The following FBN2 variants were observed in gnomAD, a reference collection of about 807,000 sequenced individuals.
FBN2 encodes fibrillin 2.
A neutral mutation model predicts 355.6 loss-of-function variants in FBN2; 105 were observed. The ratio of observed to expected loss-of-function variants is 0.30; its 90% CI spans 0.25 to 0.35. The LOEUF (loss-of-function observed/expected upper bound fraction) is 0.35. Among genes scored for constraint, FBN2 ranks in the 10% least tolerant of loss-of-function variants. The pLI is 1.00. For missense variants in FBN2, 3,280 were observed against 3,758.7 expected (o/e 0.87, Z 3.33); for synonymous variants, 1,350 against 1,301.2 (o/e 1.04, Z -0.81).
At chr5:128,447,325 C>A (rs1030985758) in intron 6 of FBN2, among the ~76,000 whole-genome samples, 3 of 152,128 alleles carry the variant, frequency 2.0e-5, no homozygotes, top group African/African-American at 7.2e-5. Flanking sequence ...TCGCTGAATT[C>A]GTTTTCTCAG....
At chr5:128,463,882 T>C (rs1343141737) in intron 6 of FBN2, among the ~76,000 whole-genome samples, 1 of 152,164 alleles carries the variant, frequency 6.6e-6, no homozygotes, top group Non-Finnish European at 1.5e-5. Context: ...TAATATTATT[T>C]ATGTGAATAA....
intron 51 of FBN2, among the ~76,000 whole-genome samples, chr5:128,289,579 C>A (rs921799358): frequency 6.6e-6 from 1 of 151,664 alleles, no homozygotes; most frequent in Non-Finnish European, 1.5e-5. Flanking sequence ...GAGTGAGACT[C>A]CACCTCAAAA....
chr5:128,285,026 T>C (rs2126815004), intron 55 of FBN2, among the ~76,000 whole-genome samples: 1 of 152,342 alleles, frequency 6.6e-6, no homozygotes, highest in Non-Finnish European at 1.5e-5. Context: ...ACTTATCAGA[T>C]TTCTTGATTC....
chr5:128,272,792 T>G (rs1300919788), intron 61 of FBN2, among the ~76,000 whole-genome samples: 1 of 152,134 alleles, frequency 6.6e-6, no homozygotes, highest in African/African-American at 2.4e-5. Flanking sequence ...TTGGCATGTC[T>G]GAGGGGTGTA....
At chr5:128,352,356 G>C (rs1243062412) in intron 20 of FBN2, among the ~76,000 whole-genome samples, 1 of 152,186 alleles carries the variant, frequency 6.6e-6, no homozygotes, top group Non-Finnish European at 1.5e-5. Flanking sequence ...TAACGTTTTA[G>C]ACTGACTCCA....
Position 128,261,749 on chromosome 5 carries a change from G to A in FBN2, c.8351C>T (p.Pro2784Leu), listed in dbSNP as rs144574441. 2.6e-3 allele frequency: 4,141 copies of A among 1,614,160 alleles called. 111 individuals are homozygous for A. In the South Asian group the frequency reaches 0.042, roughly 16 times the overall value. Reference sequence around the variant, plus strand: ...GGATATACTCACAGCAGTGGGATCAGGTTCATGAATACTTCTCTTCTGCCT... The same window carrying A: ...GGATATACTCACAGCAGTGGGATCAAGTTCATGAATACTTCTCTTCTGCCT... ...DSRQKRSIHE[P>L]DPTAVEQISL... Residue 2784 changes from proline (P) to leucine (L), a missense_variant, in exon 64 of 65, where the codon CCT becomes CTT. Pro to Leu is a moderately conservative substitution (Grantham distance 98, BLOSUM62 -3). Coordinates refer to ENST00000262464, the MANE Select transcript of FBN2 (RefSeq NM_001999.4).
intron 42 of FBN2, 104 bp downstream of exon 42, chr5:128,307,031 G>C: frequency 1.3e-6 from 1 of 790,822 alleles, no homozygotes; most frequent in Admixed American, 1.8e-5. Context: ...TTGGATCCCA[G>C]ATTATTATAT....
intron 5 of FBN2, among the ~76,000 whole-genome samples, chr5:128,512,245 C>G (rs964239872): frequency 1.3e-5 from 2 of 152,176 alleles, no homozygotes; most frequent in Admixed American, 1.3e-4. Flanking sequence ...GGCGCAGTGG[C>G]TTAAGCCTGT....
Position 128,329,854 on chromosome 5 carries a change from T to C in FBN2, c.4345+719A>G, listed in dbSNP as rs181807511. Among the ~76,000 whole-genome samples the C allele has an allele frequency of 1.8e-3, 267 of 152,336 alleles. 1 individual carries two copies. The highest frequency in any genetic ancestry group is 5.9e-3 in the African/African-American group (247 of 41,572). The stretch of plus-strand genomic sequence containing the variant: ...CCCTTATTTTATAAACTGAAGAGTA[T>C]TCAACTTTACGTCCAGCAAGATTAT... On this transcript the variant is annotated intron_variant, in intron 33 of 64. Coordinates refer to ENST00000262464, the MANE Select transcript of FBN2 (RefSeq NM_001999.4).
rs1756886852 is a variant in FBN2 at position 128,537,480 on chromosome 5, G to T, written c.124C>A (p.Pro42Thr). 1 of 1,597,514 alleles carries T rather than the reference G, an allele frequency of 6.3e-7. No homozygotes were observed. Among genetic ancestry groups the T allele is most frequent in the Non-Finnish European group, 8.5e-7 (1 of 1,173,932 alleles). Residue 42 changes from proline to threonine, a missense_variant, in exon 1 of 65, where the codon CCG becomes ACG. Pro to Thr is a conservative substitution (Grantham distance 38). This residue lies in a region of FBN2 where 203 missense variants were observed against 142.2 expected (regional missense o/e 1.43). Transcript: ENST00000262464. ...GCGGACCGAACCTGTTGCGGCGGCG[G>T]CTGGGGCCGGGGCGGCTTGGGCGGA... Reference protein sequence around the residue: ...PPPPKPPRPQPPPQQVRSATA... With the variant: ...PPPPKPPRPQTPPQQVRSATA...
In FBN2 at chr5:128,489,307, T is replaced by C. The variant is rs566561146; in HGVS notation, c.629-24386A>G. Reference sequence around the variant, plus strand: ...CAATTAAACTTGTTACAAATTTAGTTTGGATTCCTAACCATTAAGAAGTAT... The same window carrying C: ...CAATTAAACTTGTTACAAATTTAGTCTGGATTCCTAACCATTAAGAAGTAT... On this transcript the variant is annotated intron_variant, in intron 5 of 64. Coordinates refer to ENST00000262464, the MANE Select transcript of FBN2 (RefSeq NM_001999.4). Among the ~76,000 whole-genome samples the C allele has an allele frequency of 2.6e-5, 4 of 152,332 alleles. No homozygotes were observed. The East Asian group carries it at 5.8e-4, about 22-fold the overall frequency.
chr5:128,421,170 C>T (rs1247237042), intron 7 of FBN2, among the ~76,000 whole-genome samples: 2 of 152,142 alleles, frequency 1.3e-5, no homozygotes, highest in Non-Finnish European at 2.9e-5. Context: ...CCTAGAATGC[C>T]ATTTTCAGTA....
chr5:128,296,682 T>A (rs1481311870), intron 48 of FBN2, among the ~76,000 whole-genome samples: 1 of 152,254 alleles, frequency 6.6e-6, no homozygotes, highest in East Asian at 1.9e-4. Context: ...TCGATGGTGA[T>A]ATCCCCTTTA....
rs750503118 is a variant in FBN2 at position 128,328,798 on chromosome 5, T to C, written c.4369A>G (p.Ile1457Val). ...CACTGTCCGTTCTCACAGAGGTTTA[T>C]GTTTTCTGCACACTCATCAACATCT... ...CSDVDECAEN[I>V]NLCENGQCLN... Residue 1457 changes from isoleucine (I) to valine (V), a missense_variant, in exon 34 of 65, where the codon ATA becomes GTA. Physicochemically the swap from Ile to Val is conservative, Grantham distance 29. Coordinates refer to ENST00000262464, the MANE Select transcript of FBN2 (RefSeq NM_001999.4). 1 of 1,614,220 alleles carries C rather than the reference T, an allele frequency of 6.2e-7. No individual in the cohort carries two copies. Among genetic ancestry groups the C allele is most frequent in the Non-Finnish European group, 8.5e-7 (1 of 1,180,032 alleles).
In FBN2 at chr5:128,294,081, T is replaced by C. The variant is rs1272765795; in HGVS notation, c.6167-2427A>G. The stretch of plus-strand genomic sequence containing the variant: ...CAATTCCCACCTATGAGTGAGAATA[T>C]GCGGTGTTTGGTTTTTTGTTCTTGC... On this transcript the variant is annotated intron_variant, in intron 48 of 64. Coordinates refer to ENST00000262464, the MANE Select transcript of FBN2 (RefSeq NM_001999.4). Among the ~76,000 whole-genome samples the C allele has an allele frequency of 2.0e-5, 3 of 151,964 alleles. No homozygotes were observed. The East Asian group carries it at 5.8e-4, about 30-fold the overall frequency.
At chr5:128,320,309 G>C (rs1364195098) in intron 34 of FBN2, among the ~76,000 whole-genome samples, 3 of 151,614 alleles carry the variant, frequency 2.0e-5, no homozygotes, top group African/African-American at 4.9e-5. Context: ...CAATCTCCTG[G>C]GCTCAAGCAA....
intron 5 of FBN2, among the ~76,000 whole-genome samples, chr5:128,466,220 A>G (rs1754706923): frequency 6.6e-6 from 1 of 152,230 alleles, no homozygotes; most frequent in Admixed American, 6.5e-5. Flanking sequence ...ACAGAAATAC[A>G]TGAAAAAGTT....
At chr5:128,437,716 A>G (rs1753804670) in intron 7 of FBN2, among the ~76,000 whole-genome samples, 1 of 152,028 alleles carries the variant, frequency 6.6e-6, no homozygotes, top group Non-Finnish European at 1.5e-5. Context: ...AAAGGGGAGC[A>G]CCACATATAG....
Position 128,339,023 on chromosome 5 carries a change from T to G in FBN2, c.3382A>C (p.Ser1128Arg). The G allele has an allele frequency of 6.2e-7, 1 of 1,614,028 alleles. No individual in the cohort carries two copies. The highest frequency in any genetic ancestry group is 1.7e-5 in the Admixed American group (1 of 60,026). The stretch of plus-strand genomic sequence containing the variant: ...CCCGGTGTATTGACGCAGATTCCAC[T>G]GCCACAGAGGTCAGGAGAAATCCTG... Reference protein sequence around the residue: ...ECRISPDLCGSGICVNTPGSF... With the variant: ...ECRISPDLCGRGICVNTPGSF... The change falls in exon 26 of 65, where the codon AGT becomes CGT. Residue 1128 changes from serine to arginine, a missense_variant. Transcript: ENST00000262464.
Sources: allele counts gnomAD v4.1 joint callset (sites outside exome capture counted in the v4.1 genomes callset), GRCh38; gene constraint gnomAD v4.1.1; regional missense constraint gnomAD v4.1.1; transcripts MANE v1.5; gene names NCBI Gene and HGNC (gene_info 2026-07-23, HGNC 2026-07-21).